Variants in SYN3 observed in about 807,000 individuals in gnomAD.
The protein encoded by SYN3 is synapsin-3.
In SYN3, 35 loss-of-function variants were observed where a neutral mutation model predicts 65.8. The observed-to-expected ratio is 0.53, with a 90% CI of 0.41 to 0.70. SYN3 has a LOEUF of 0.70. SYN3 is among the 30% of genes least tolerant of loss of function. The pLI is 0.00. For missense variants in SYN3, 680 were observed against 749.0 expected (o/e 0.91, Z 1.08); for synonymous variants, 270 against 292.9 (o/e 0.92, Z 0.80).
intron 6 of SYN3, among the ~76,000 whole-genome samples, chr22:32,788,290 C>T (rs1297556130): frequency 2.0e-5 from 3 of 151,974 alleles, no homozygotes; most frequent in African/African-American, 7.2e-5. Context: ...GCCTATAATC[C>T]CAGCACTTTT....
intron 3 of SYN3, among the ~76,000 whole-genome samples, chr22:32,932,845 C>G (rs2050671133): frequency 6.6e-6 from 1 of 152,100 alleles, no homozygotes; most frequent in African/African-American, 2.4e-5. Flanking sequence ...AGTCCAAAAT[C>G]AAGGTGCTGG....
chr22:32,976,107 T>C (rs1480603449), intron 3 of SYN3, among the ~76,000 whole-genome samples: 7 of 152,172 alleles, frequency 4.6e-5, no homozygotes, highest in South Asian at 2.1e-4. Context: ...TCAGAAGACA[T>C]TGATGTTAAA....
At chr22:32,625,136 C>G (rs2059647923) in intron 6 of SYN3, among the ~76,000 whole-genome samples, 1 of 152,242 alleles carries the variant, frequency 6.6e-6, no homozygotes, top group African/African-American at 2.4e-5. Flanking sequence ...CCGTCACAGT[C>G]ATGTCACTCC....
chr22:32,660,702 C>T (rs1238068821), intron 6 of SYN3, among the ~76,000 whole-genome samples: 1 of 152,242 alleles, frequency 6.6e-6, no homozygotes, highest in Non-Finnish European at 1.5e-5. Context: ...TACTTATTTA[C>T]CTGTCATTCT....
chr22:32,784,493 A>T (rs2046144178), intron 6 of SYN3, among the ~76,000 whole-genome samples: 1 of 152,200 alleles, frequency 6.6e-6, no homozygotes, highest in African/African-American at 2.4e-5. Flanking sequence ...GTGAGTGAGG[A>T]AGTAGGTGCT....
chr22:32,597,960 C>T (rs2059226027), intron 6 of SYN3, among the ~76,000 whole-genome samples: 1 of 152,192 alleles, frequency 6.6e-6, no homozygotes, highest in South Asian at 2.1e-4. Context: ...GCTTTGCTTT[C>T]CCCCTTTCAT....
chr22:32,822,012 G>A (rs961795970), intron 6 of SYN3, among the ~76,000 whole-genome samples: 4 of 151,984 alleles, frequency 2.6e-5, no homozygotes, highest in East Asian at 1.9e-4. Flanking sequence ...AAAATTAGCC[G>A]GGCGTGGTGG....
chr22:32,880,852 T>C (rs536572608), intron 4 of SYN3, among the ~76,000 whole-genome samples: 41 of 152,320 alleles, frequency 2.7e-4, no homozygotes, highest in South Asian at 1.2e-3. Flanking sequence ...ACAGGGCCCA[T>C]GTCTGAAATG....
intron 7 of SYN3, among the ~76,000 whole-genome samples, chr22:32,579,139 G>C (rs1450246936): frequency 6.6e-6 from 1 of 152,138 alleles, no homozygotes; most frequent in Non-Finnish European, 1.5e-5. Flanking sequence ...CTAACCCATT[G>C]ATTAAATATA....
intron 6 of SYN3, among the ~76,000 whole-genome samples, chr22:32,815,506 C>T (rs1444444085): frequency 1.3e-5 from 2 of 152,144 alleles, no homozygotes; most frequent in Non-Finnish European, 2.9e-5. Flanking sequence ...ACTCTCATAA[C>T]CACTCATTGA....
At chr22:32,891,286 A>T (rs2049438766) in intron 4 of SYN3, among the ~76,000 whole-genome samples, 1 of 152,122 alleles carries the variant, frequency 6.6e-6, no homozygotes. Context: ...TTTTGATGAC[A>T]TTCTCGAAAC....
intron 6 of SYN3, among the ~76,000 whole-genome samples, chr22:32,789,276 G>A (rs2046266988): frequency 6.6e-6 from 1 of 152,170 alleles, no homozygotes; most frequent in South Asian, 2.1e-4. Flanking sequence ...AAGCACTCCA[G>A]GTATGCACAA....
At chr22:32,821,451 C>T (rs1183151977) in intron 6 of SYN3, among the ~76,000 whole-genome samples, 1 of 152,212 alleles carries the variant, frequency 6.6e-6, no homozygotes, top group African/African-American at 2.4e-5. Context: ...GTGTGGCCCT[C>T]ATAGCCAGAG....
chr22:32,804,298 C>T (rs1299685593), intron 6 of SYN3, among the ~76,000 whole-genome samples: 1 of 152,158 alleles, frequency 6.6e-6, no homozygotes, highest in Non-Finnish European at 1.5e-5. Flanking sequence ...CGACCTCCCT[C>T]GCCTTGCACA....
intron 7 of SYN3, among the ~76,000 whole-genome samples, chr22:32,552,117 G>A (rs951446785): frequency 2.0e-5 from 3 of 152,182 alleles, no homozygotes; most frequent in African/African-American, 7.2e-5. Flanking sequence ...GTGGTGGCGG[G>A]CGCCTGTAAT....
intron 6 of SYN3, among the ~76,000 whole-genome samples, chr22:32,708,812 G>A (rs551236223): frequency 6.1e-4 from 93 of 152,364 alleles, no homozygotes; most frequent in African/African-American, 2.0e-3. Context: ...TGCATGTGCT[G>A]TTGGTGAGCA....
At chr22:32,757,159 G>A (rs932321999) in intron 6 of SYN3, among the ~76,000 whole-genome samples, 16 of 151,770 alleles carry the variant, frequency 1.1e-4, no homozygotes, top group African/African-American at 3.2e-4. Context: ...TTTGCTTCCT[G>A]TTCTCACACC....
At chr22:32,828,967 G>A (rs1251032393) in intron 6 of SYN3, among the ~76,000 whole-genome samples, 2 of 152,100 alleles carry the variant, frequency 1.3e-5, no homozygotes, top group Non-Finnish European at 2.9e-5. Flanking sequence ...GGGTACATTG[G>A]TCCTTACCTC....
At chr22:33,011,166 A>G (rs529749721) in intron 1 of SYN3, among the ~76,000 whole-genome samples, 2 of 152,230 alleles carry the variant, frequency 1.3e-5, no homozygotes, top group East Asian at 3.9e-4. Context: ...CTTAGGGGGG[A>G]AACACTCAGT....
Sources: allele counts gnomAD v4.1 joint callset (sites outside exome capture counted in the v4.1 genomes callset), GRCh38; gene constraint gnomAD v4.1.1; transcripts MANE v1.5; gene names NCBI Gene and HGNC (gene_info 2026-07-23, HGNC 2026-07-21).